Variants in CACNB2 observed in about 807,000 individuals in gnomAD.
CACNB2 encodes the protein voltage-dependent L-type calcium channel subunit beta-2.
A neutral mutation model predicts 73.3 loss-of-function variants in CACNB2; 42 were observed. The observed-to-expected ratio is 0.57, with a 90% CI of 0.45 to 0.74. The LOEUF is 0.74. Ranked by LOEUF, CACNB2 falls within the 30% of genes least tolerant of loss-of-function variation. CACNB2 has a pLI of 0.00. For missense variants in CACNB2, 940 were observed against 853.0 expected, an observed-to-expected ratio of 1.10 and a Z score of -1.27; for synonymous variants, 348 against 310.3, an observed-to-expected ratio of 1.12 and a Z score of -1.28.
intron 2 of CACNB2, among the ~76,000 whole-genome samples, chr10:18,336,391 G>A (rs1366612033): frequency 6.6e-6 from 1 of 152,168 alleles, no homozygotes; most frequent in Non-Finnish European, 1.5e-5. Context: ...GGCCAAGGTG[G>A]GTGGATCACC....
chr10:18,474,532 T>A lies in CACNB2; in HGVS notation c.334-23823T>A, dbSNP rs139031665. 3.3e-5 allele frequency among the ~76,000 whole-genome samples: 5 copies of A among 152,298 alleles called. No homozygotes were observed. In the East Asian group the frequency reaches 9.7e-4, roughly 29 times the overall value. On this transcript the variant is annotated intron_variant, in intron 3 of 13. Coordinates refer to ENST00000324631, the MANE Select transcript of CACNB2 (RefSeq NM_201596.3). Reference sequence around the variant, plus strand: ...AAGGTGGAGATGCCAATTCCCCAACTGTTTTCCTAGGGGTTGTGTTCCCAC... The same window carrying A: ...AAGGTGGAGATGCCAATTCCCCAACAGTTTTCCTAGGGGTTGTGTTCCCAC...
chr10:18,265,733 CAA>C (rs72314205), intron 2 of CACNB2, among the ~76,000 whole-genome samples: 30,577 of 151,938 alleles, frequency 0.2, 3,395 homozygotes, highest in South Asian at 0.3. Context: ...AGTAAAATTT[CAA>C]AAGTTTATTG....
At chr10:18,270,409 G>A (rs1234146551) in intron 2 of CACNB2, among the ~76,000 whole-genome samples, 2 of 152,056 alleles carry the variant, frequency 1.3e-5, no homozygotes, top group East Asian at 3.9e-4. Flanking sequence ...CCCCATCTTA[G>A]TCTTCATCCT....
intron 2 of CACNB2, among the ~76,000 whole-genome samples, chr10:18,330,491 T>C (rs535163150): frequency 6.6e-6 from 1 of 151,804 alleles, no homozygotes; most frequent in African/African-American, 2.4e-5. Context: ...CTACAAAACA[T>C]TGAAAGATTA....
At chr10:18,238,190 A>T (rs189661361) in intron 2 of CACNB2, among the ~76,000 whole-genome samples, 51 of 152,292 alleles carry the variant, frequency 3.3e-4, no homozygotes, top group Non-Finnish European at 5.0e-4. Flanking sequence ...TAACCTTATG[A>T]TTGGCATATA....
chr10:18,541,133 T>C lies in CACNB2; in HGVS notation c.*1409T>C, dbSNP rs938586270. The C allele has an allele frequency of 6.5e-6, 1 of 152,684 alleles. No homozygotes were observed. Among genetic ancestry groups the C allele is most frequent in the African/African-American group, 2.4e-5 (1 of 41,450 alleles). 9.5% of individuals were successfully genotyped at this position (152,684 alleles called of 1,614,324 possible). A position where few individuals can be genotyped will look rare whatever the true frequency, so the allele number is the denominator to read the frequency against. On this transcript the variant is annotated 3_prime_UTR_variant, in exon 14 of 14. Transcript: ENST00000324631. ...CCACTTCAATTTCTAACCTTGCCTA[T>C]TGTTCCTGTTGTTTGTTTACCTCCC... is the stretch of plus-strand genomic sequence containing the variant.
At chr10:18,301,063 A>G (rs1421405314) in intron 2 of CACNB2, among the ~76,000 whole-genome samples, 1 of 152,206 alleles carries the variant, frequency 6.6e-6, no homozygotes, top group Non-Finnish European at 1.5e-5. Flanking sequence ...CTCTCAAGGT[A>G]GAGAGAAAAC....
At chr10:18,433,017 T>C (rs10764487) in intron 3 of CACNB2, among the ~76,000 whole-genome samples, 35,772 of 152,024 alleles carry the variant, frequency 0.24, 4,562 homozygotes, top group East Asian at 0.54. Flanking sequence ...TCGCTTCCCT[T>C]TGGGCTTCCT....
chr10:18,386,767 C>G (rs1298816997), intron 2 of CACNB2, among the ~76,000 whole-genome samples: 1 of 152,082 alleles, frequency 6.6e-6, no homozygotes, highest in Non-Finnish European at 1.5e-5. Context: ...TGGAGTGTTT[C>G]AAGTATCAGT....
At chr10:18,359,130 T>G (rs1206104337) in intron 2 of CACNB2, among the ~76,000 whole-genome samples, 16 of 152,228 alleles carry the variant, frequency 1.1e-4, no homozygotes, top group Admixed American at 8.5e-4. Flanking sequence ...TTTTAACTTC[T>G]ACGTTATTTA....
chr10:18,180,380 A>G (rs889410615), intron 2 of CACNB2, among the ~76,000 whole-genome samples: 3 of 152,256 alleles, frequency 2.0e-5, no homozygotes, highest in Middle Eastern at 3.4e-3. Flanking sequence ...CAGTACTTCA[A>G]ATCTCCTTGT....
chr10:18,264,376 CAT>C (rs1332523296), intron 2 of CACNB2, among the ~76,000 whole-genome samples: 1 of 152,186 alleles, frequency 6.6e-6, no homozygotes, highest in Non-Finnish European at 1.5e-5. Flanking sequence ...CGAAGTATAA[CAT>C]ACATGCAGAA....
intron 3 of CACNB2, among the ~76,000 whole-genome samples, 165 bp downstream of exon 3, chr10:18,402,208 A>G (rs1257660112): frequency 2.6e-5 from 4 of 152,202 alleles, no homozygotes; most frequent in African/African-American, 9.6e-5. Flanking sequence ...CTTGGTAGAA[A>G]AAGGAAGTGT....
intron 2 of CACNB2, among the ~76,000 whole-genome samples, chr10:18,231,606 G>A (rs1277748): frequency 0.53 from 80,921 of 152,084 alleles, 24,046 homozygotes; most frequent in Non-Finnish European, 0.67. Flanking sequence ...AACCTTCACT[G>A]GCACATAAAA....
intron 2 of CACNB2, among the ~76,000 whole-genome samples, chr10:18,352,204 A>C (rs1026247799): frequency 4.6e-5 from 7 of 152,200 alleles, no homozygotes; most frequent in African/African-American, 1.7e-4. Flanking sequence ...TATTCTGATA[A>C]TCCTGTTACC....
chr10:18,315,292 C>T lies in CACNB2; in HGVS notation c.214-86632C>T, dbSNP rs111893567. ...GAGGTTGCAGTGAGCCAAGATCACA[C>T]CACTGCACTCCAGCCTGGGCAACAG... On this transcript the variant is annotated intron_variant, in intron 2 of 13. Coordinates refer to ENST00000324631, the MANE Select transcript of CACNB2 (RefSeq NM_201596.3). Among the ~76,000 whole-genome samples the T allele has an allele frequency of 4.6e-3, 694 of 151,754 alleles. 5 individuals are homozygous for T. Among genetic ancestry groups the T allele is most frequent in the African/African-American group, 0.016 (646 of 41,332 alleles).
Position 18,207,154 on chromosome 10 carries a change from G to A in CACNB2, c.213+56179G>A, listed in dbSNP as rs2210367. Among the ~76,000 whole-genome samples, 317 of 152,174 alleles carry A rather than the reference G, an allele frequency of 2.1e-3. 5 individuals carry two copies. Among genetic ancestry groups the A allele is most frequent in the African/African-American group, 6.5e-3 (270 of 41,528 alleles). On this transcript the variant is annotated intron_variant, in intron 2 of 13. Coordinates refer to ENST00000324631, the MANE Select transcript of CACNB2 (RefSeq NM_201596.3). ...CTCCCTAGTAGCTCAGACTACAGGCGTGAGCCACCACACCTGACTAATTTT... is the reference window on the plus strand; with the variant it reads ...CTCCCTAGTAGCTCAGACTACAGGCATGAGCCACCACACCTGACTAATTTT...
chr10:18,505,015 A>G (rs956610056), intron 5 of CACNB2, among the ~76,000 whole-genome samples: 3 of 152,164 alleles, frequency 2.0e-5, no homozygotes, highest in Non-Finnish European at 2.9e-5. Flanking sequence ...AAAAACTCTG[A>G]TACAGAAATT....
At chr10:18,255,288 T>G (rs1447972809) in intron 2 of CACNB2, among the ~76,000 whole-genome samples, 1 of 152,160 alleles carries the variant, frequency 6.6e-6, no homozygotes, top group Non-Finnish European at 1.5e-5. Flanking sequence ...GCCTTCTCCC[T>G]TCTACCACGT....
Sources: allele counts gnomAD v4.1 joint callset (sites outside exome capture counted in the v4.1 genomes callset), GRCh38; gene constraint gnomAD v4.1.1; transcripts MANE v1.5; gene names NCBI Gene and HGNC (gene_info 2026-07-23, HGNC 2026-07-21).